The following TRIM33 variants were observed in gnomAD, a reference collection of about 807,000 sequenced individuals.
TRIM33 encodes tripartite motif containing 33.
A neutral mutation model predicts 125.4 loss-of-function variants in TRIM33; 20 were observed. The observed-to-expected ratio is 0.16, with a 90% CI of 0.11 to 0.23. The LOEUF is 0.23. Among genes scored for constraint, TRIM33 ranks in the 10% least tolerant of loss-of-function variants. TRIM33 has a pLI of 1.00. For missense variants in TRIM33, 920 were observed against 1,411.4 expected, an observed-to-expected ratio of 0.65 and a Z score of 5.58; for synonymous variants, 564 against 513.9, an observed-to-expected ratio of 1.10 and a Z score of -1.32.
In TRIM33 at chr1:114,425,537, A is replaced by C. The variant is rs1299579159; in HGVS notation, c.1607T>G (p.Met536Arg). The C allele has an allele frequency of 6.2e-7, 1 of 1,613,948 alleles. No individual in the cohort carries two copies. Among genetic ancestry groups the C allele is most frequent in the East Asian group, 2.2e-5 (1 of 44,882 alleles). ...TGGTACAGGTGCTGGTGGTTGCTGCATCCTCATCTGTTGCAACTGCTGATG... is the reference window on the plus strand; with the variant it reads ...TGGTACAGGTGCTGGTGGTTGCTGCCTCCTCATCTGTTGCAACTGCTGATG... ...QKHQQLQQMR[M>R]QQPPAPVPTT... is the part of the protein sequence containing the mutation. Residue 536 changes from methionine (M) to arginine (R), a missense_variant, in exon 9 of 20, where the codon ATG becomes AGG. By Grantham distance (91) the Met-to-Arg change is moderately conservative (BLOSUM62 -1). Around this residue, in one of 8 missense-constraint regions of TRIM33, gnomAD observed 407 missense variants for 589.7 expected, o/e 0.69. Transcript: ENST00000358465.
chr1:114,460,573 C>CTT (rs35612978), intron 4 of TRIM33, among the ~76,000 whole-genome samples: 15 of 64,466 alleles, frequency 2.3e-4, no homozygotes, highest in South Asian at 1.8e-3. Flanking sequence ...CCCCCGCCAC[C>CTT]TTTTTTTTTT....
At chr1:114,440,201 T>C (rs1489310933) in intron 4 of TRIM33, among the ~76,000 whole-genome samples, 1 of 152,114 alleles carries the variant, frequency 6.6e-6, no homozygotes, top group Non-Finnish European at 1.5e-5. Context: ...ACACTTCACA[T>C]GTGAATTTTC....
At chr1:114,458,137 A>C (rs1207542360) in intron 4 of TRIM33, among the ~76,000 whole-genome samples, 1 of 152,196 alleles carries the variant, frequency 6.6e-6, no homozygotes, top group Non-Finnish European at 1.5e-5. Context: ...TCTTCCTGAA[A>C]CTAATACCCT....
intron 1 of TRIM33, among the ~76,000 whole-genome samples, chr1:114,499,457 C>T (rs540281816): frequency 4.7e-5 from 7 of 150,372 alleles, no homozygotes; most frequent in South Asian, 2.1e-4. Flanking sequence ...TGTCTGGGTT[C>T]GGGGTAAGGA....
chr1:114,468,970 G>C, intron 1 of TRIM33: 1 of 225,000 alleles, frequency 4.4e-6, no homozygotes, highest in Non-Finnish European at 9.0e-6. Flanking sequence ...CAACTTTACA[G>C]ATATTTGTAA....
Position 114,511,072 on chromosome 1 carries a change from G to T in TRIM33, c.5C>A (p.Ala2Glu). The change falls in exon 1 of 20, where the codon GCG (alanine) becomes GAG (glutamate). Residue 2 changes from alanine (A) to glutamate (E), a missense_variant. Around this residue, in one of 8 missense-constraint regions of TRIM33, gnomAD observed 233 missense variants for 189.6 expected, o/e 1.23. Transcript: ENST00000358465. Reference protein sequence around the residue: MAENKGGGEAES... With the variant: MEENKGGGEAES... Reference sequence around the variant, plus strand: ...AGCCTCGCCGCCGCCTTTGTTTTCCGCCATGTTTTCCTCTTTGAACCCGCC... The same window carrying T: ...AGCCTCGCCGCCGCCTTTGTTTTCCTCCATGTTTTCCTCTTTGAACCCGCC... 7.8e-7 allele frequency: 1 copy of T among 1,281,614 alleles called. No homozygotes were observed. The highest frequency in any genetic ancestry group is 2.0e-5 in the South Asian group (1 of 49,628). 79.4% of individuals were successfully genotyped at this position (1,281,614 alleles called of 1,614,324 possible).
At chr1:114,422,813 T>A (rs1489469883) in intron 10 of TRIM33, among the ~76,000 whole-genome samples, 1 of 152,212 alleles carries the variant, frequency 6.6e-6, no homozygotes, top group Non-Finnish European at 1.5e-5. Flanking sequence ...ATAGTTTTGA[T>A]AGATCGTTTT....
chr1:114,480,667 A>C (rs182672835), intron 1 of TRIM33, among the ~76,000 whole-genome samples: 1 of 152,238 alleles, frequency 6.6e-6, no homozygotes, highest in African/African-American at 2.4e-5. Flanking sequence ...CACACGGAAA[A>C]CAACTAGCAA....
intron 1 of TRIM33, among the ~76,000 whole-genome samples, chr1:114,471,443 CAAAAA>C (rs34336957): frequency 1.0e-5 from 1 of 100,076 alleles, no homozygotes; most frequent in African/African-American, 4.1e-5. Context: ...GATTCTGTCT[CAAAAA>C]AAAAAAAAAA....
At position 114,397,769 on chromosome 1, in the gene TRIM33, G is replaced by A. The variant is rs376016997; in HGVS notation, c.3263C>T (p.Pro1088Leu). 2.2e-5 allele frequency: 35 copies of A among 1,613,640 alleles called. No individual in the cohort carries two copies. The highest frequency in any genetic ancestry group is 2.7e-5 in the Non-Finnish European group (32 of 1,179,904). Residue 1088 changes from proline to leucine, a missense_variant, in exon 20 of 20, where the codon CCT becomes CTT. Transcript: ENST00000358465. Reference sequence around the variant, plus strand: ...CTCTTCCTGCTCAAACTCTGGCAAAGGTGCGAAGGTCCTGTCTGAGTAGAT... The same window carrying A: ...CTCTTCCTGCTCAAACTCTGGCAAAAGTGCGAAGGTCCTGTCTGAGTAGAT... Reference protein sequence around the residue: ...TEIYSDRTFAPLPEFEQEEDD... With the variant: ...TEIYSDRTFALLPEFEQEEDD...
At chr1:114,487,679 T>C (rs1031026688) in intron 1 of TRIM33, among the ~76,000 whole-genome samples, 3 of 149,458 alleles carry the variant, frequency 2.0e-5, no homozygotes, top group Non-Finnish European at 4.4e-5. Flanking sequence ...GGGTGGATCA[T>C]GAGGTCAGGA....
intron 4 of TRIM33, among the ~76,000 whole-genome samples, chr1:114,458,808 G>C (rs1327900091): frequency 1.3e-5 from 2 of 152,086 alleles, no homozygotes; most frequent in Non-Finnish European, 2.9e-5. Context: ...TTTGGTTACT[G>C]TTAAGTATTT....
In TRIM33 at chr1:114,424,775, C is replaced by T. The variant is rs1647444696; in HGVS notation, c.1696-20G>A. 7.0e-7 allele frequency: 1 copy of T among 1,432,754 alleles called. No individual in the cohort carries two copies. Among genetic ancestry groups the T allele is most frequent in the East Asian group, 2.5e-5 (1 of 40,436 alleles). The allele number at this position is 1,432,754 out of a possible 1,614,324, so 88.8% of individuals were successfully genotyped here. On this transcript the variant is annotated intron_variant, in intron 9 of 19. Transcript: ENST00000358465. ...AGGAGGCTACAAAAAGTAGAAATTG[C>T]AATTTATGTAATAATTTTAAAATAA...
At chr1:114,421,294 C>T (rs1488051574) in intron 11 of TRIM33, 142 bp downstream of exon 11, 2 of 776,140 alleles carry the variant, frequency 2.6e-6, no homozygotes, top group Admixed American at 2.9e-5. Flanking sequence ...TGGAAGGAGA[C>T]TTTTAGTGAT....
At chr1:114,445,781 C>T (rs1648936315) in intron 4 of TRIM33, among the ~76,000 whole-genome samples, 1 of 152,156 alleles carries the variant, frequency 6.6e-6, no homozygotes, top group Non-Finnish European at 1.5e-5. Flanking sequence ...GTAGTAATAT[C>T]AATATCTTTT....
Position 114,407,003 on chromosome 1 carries a change from A to G in TRIM33, c.2356T>C (p.Cys786Arg), listed in dbSNP as rs753349539. 1.2e-6 allele frequency: 2 copies of G among 1,614,070 alleles called. No individual in the cohort carries two copies. Among genetic ancestry groups the G allele is most frequent in the Middle Eastern group, 1.6e-4 (1 of 6,062 alleles). The part of the protein sequence containing the change: ...KQEPGTEDEI[C>R]SFSGGVKQEK... Reference sequence around the variant, plus strand: ...TGTTTTACACCTCCTGAAAAGCTACATATTTCATCTTCAGTCCCAGGTTCT... The same window carrying G: ...TGTTTTACACCTCCTGAAAAGCTACGTATTTCATCTTCAGTCCCAGGTTCT... The change falls in exon 14 of 20, where the codon TGT (cysteine) becomes CGT (arginine). Residue 786 changes from cysteine to arginine, a missense_variant. By Grantham distance (180) the Cys-to-Arg change is radical (BLOSUM62 -3). Transcript: ENST00000358465.
At chr1:114,492,112 G>A (rs1337820255) in intron 1 of TRIM33, among the ~76,000 whole-genome samples, 2 of 152,276 alleles carry the variant, frequency 1.3e-5, no homozygotes, top group African/African-American at 4.8e-5. Context: ...TATGTGAATT[G>A]GGCGAGTCAA....
At chr1:114,430,462 G>A (rs557674898) in intron 6 of TRIM33, among the ~76,000 whole-genome samples, 1 of 152,196 alleles carries the variant, frequency 6.6e-6, no homozygotes, top group Admixed American at 6.5e-5. Context: ...GGGCTGGGCT[G>A]GATCCCGGGG....
intron 1 of TRIM33, among the ~76,000 whole-genome samples, chr1:114,503,216 C>G (rs1570683817): frequency 6.6e-6 from 1 of 152,178 alleles, no homozygotes; most frequent in African/African-American, 2.4e-5. Context: ...AGTGGTGGTT[C>G]ATGCCTGTAA....
Sources: gnomAD v4.1 joint callset for allele counts (sites outside exome capture counted in the v4.1 genomes callset) on GRCh38, gnomAD v4.1.1 for gene constraint, gnomAD v4.1.1 regional missense constraint, MANE v1.5 for transcripts, NCBI Gene and HGNC (gene_info 2026-07-23, HGNC 2026-07-21) for gene names.